Variants in MRTFB observed in about 807,000 individuals in gnomAD.
MRTFB encodes myocardin related transcription factor B.
Under a neutral mutation model 104.2 loss-of-function variants are expected in MRTFB, and 29 were observed. The ratio of observed to expected loss-of-function variants is 0.28; its 90% CI spans 0.21 to 0.38. The LOEUF is 0.38. MRTFB is among the 10% of genes least tolerant of loss of function. MRTFB has a pLI of 1.00. For missense variants in MRTFB, 1,270 were observed against 1,341.6 expected, an observed-to-expected ratio of 0.95 and a Z score of 0.83; for synonymous variants, 535 against 519.5, an observed-to-expected ratio of 1.03 and a Z score of -0.41.
intron 2 of MRTFB, among the ~76,000 whole-genome samples, chr16:14,098,458 G>A (rs1019068445): frequency 2.0e-5 from 3 of 152,008 alleles, no homozygotes; most frequent in African/African-American, 7.2e-5. Context: ...TGTATACTCT[G>A]GATATAGATT....
chr16:14,031,492 A>G, the MRTFB span, among the ~76,000 whole-genome samples: 1 of 152,218 alleles, frequency 6.6e-6, no homozygotes, highest in Non-Finnish European at 1.5e-5. Context: ...AAAAATAACT[A>G]GCACATCAGA....
chr16:14,185,724 T>G (rs1351495295), intron 3 of MRTFB, among the ~76,000 whole-genome samples: 1 of 151,920 alleles, frequency 6.6e-6, no homozygotes, highest in African/African-American at 2.4e-5. Flanking sequence ...GTATTCACAG[T>G]CTACTGCTCT....
intron 9 of MRTFB, among the ~76,000 whole-genome samples, chr16:14,235,779 G>C (rs1381221957): frequency 6.6e-6 from 1 of 152,166 alleles, no homozygotes; most frequent in Non-Finnish European, 1.5e-5. Flanking sequence ...CCTGACAGTG[G>C]CTGGGACAAT....
At chr16:14,103,622 T>C (rs976813376) in intron 2 of MRTFB, among the ~76,000 whole-genome samples, 16 of 152,302 alleles carry the variant, frequency 1.1e-4, no homozygotes, top group African/African-American at 3.9e-4. Context: ...TACTACACAC[T>C]GCAGTTATAC....
the MRTFB span, among the ~76,000 whole-genome samples, chr16:14,058,172 G>A: frequency 3.3e-5 from 5 of 152,162 alleles, no homozygotes; most frequent in Non-Finnish European, 7.4e-5. Context: ...TGCCAGGAGT[G>A]CAAAATCACC....
intron 2 of MRTFB, among the ~76,000 whole-genome samples, chr16:14,107,455 C>T (rs372298483): frequency 4.6e-5 from 7 of 152,092 alleles, no homozygotes; most frequent in South Asian, 2.1e-4. Context: ...CATTTTAGCA[C>T]GAAGGGGTTT....
chr16:14,167,347 T>C (rs995254762), intron 3 of MRTFB, among the ~76,000 whole-genome samples: 2 of 152,146 alleles, frequency 1.3e-5, no homozygotes, highest in African/African-American at 4.8e-5. Context: ...TTGCCTACTT[T>C]TTAATGTTTT....
At chr16:14,007,528 G>A in the MRTFB span, among the ~76,000 whole-genome samples, 1 of 152,144 alleles carries the variant, frequency 6.6e-6, no homozygotes, top group South Asian at 2.1e-4. Flanking sequence ...ATACGGCTAT[G>A]AACATTCATG....
the MRTFB span, among the ~76,000 whole-genome samples, chr16:14,011,420 A>G: frequency 6.6e-6 from 1 of 152,220 alleles, no homozygotes; most frequent in African/African-American, 2.4e-5. Flanking sequence ...CTCTGAGAAA[A>G]GAAGAGGGAT....
At chr16:14,050,802 G>A in the MRTFB span, among the ~76,000 whole-genome samples, 1 of 152,056 alleles carries the variant, frequency 6.6e-6, no homozygotes, top group Admixed American at 6.6e-5. Context: ...GGTGCAGAAT[G>A]GGGGCGGGTC....
intron 3 of MRTFB, among the ~76,000 whole-genome samples, chr16:14,178,295 T>C (rs1274476833): frequency 6.6e-6 from 1 of 152,164 alleles, no homozygotes; most frequent in African/African-American, 2.4e-5. Flanking sequence ...CCCAAGTTAC[T>C]TGCTGAGAAA....
At chr16:14,039,133 T>C in the MRTFB span, among the ~76,000 whole-genome samples, 2 of 152,020 alleles carry the variant, frequency 1.3e-5, no homozygotes, top group African/African-American at 4.8e-5. Context: ...TGGTCTCTTA[T>C]GAGATTGCAG....
chr16:14,246,975 G>A lies in MRTFB; in HGVS notation c.1715G>A (p.Arg572His), dbSNP rs570204987. ...GAACTGGATGCAGCCGAAAAGGATC[G>A]CAAGCTTCAGGAGAAAGAGAAGCAA... Reference protein sequence around the residue: ...NLELDAAEKDRKLQEKEKQIE... With the variant: ...NLELDAAEKDHKLQEKEKQIE... Residue 572 changes from arginine to histidine, a missense_variant, in exon 12 of 17, where the codon CGC (arginine) becomes CAC (histidine). By Grantham distance (29) the Arg-to-His change is conservative (BLOSUM62 0). Around this residue, in one of 3 missense-constraint regions of MRTFB, gnomAD observed 1,144 missense variants for 1,131.5 expected, o/e 1.01. Transcript: ENST00000571589. 16 of 1,614,046 alleles carry A rather than the reference G, an allele frequency of 9.9e-6. No individual in the cohort carries two copies. The highest frequency in any genetic ancestry group is 5.3e-5 in the African/African-American group (4 of 75,052).
At chr16:14,060,724 C>G in the MRTFB span, among the ~76,000 whole-genome samples, 4 of 152,002 alleles carry the variant, frequency 2.6e-5, no homozygotes, top group Non-Finnish European at 5.9e-5. Flanking sequence ...TTTCTCTTAT[C>G]CAGGTGGGGT....
intron 2 of MRTFB, among the ~76,000 whole-genome samples, chr16:14,130,837 A>G (rs900361513): frequency 6.6e-6 from 1 of 152,188 alleles, no homozygotes; most frequent in East Asian, 1.9e-4. Flanking sequence ...TTCACGGAAC[A>G]GCAGGAGAGG....
At chr16:14,004,284 G>A in the MRTFB span, among the ~76,000 whole-genome samples, 10 of 152,214 alleles carry the variant, frequency 6.6e-5, no homozygotes, top group African/African-American at 9.6e-5. Context: ...CGCCCATCCT[G>A]TTCCATGATG....
chr16:14,142,320 C>T (rs993811846), intron 3 of MRTFB: 10 of 148,852 alleles, frequency 6.7e-5, no homozygotes, highest in African/African-American at 2.3e-4. Context: ...GATCTCAGCT[C>T]ACTGCAGGCT....
chr16:14,244,397 C>T (rs1051010510), intron 10 of MRTFB, among the ~76,000 whole-genome samples: 3 of 152,108 alleles, frequency 2.0e-5, no homozygotes, highest in Non-Finnish European at 2.9e-5. Flanking sequence ...TGTTAGATGT[C>T]TTATCTAGGA....
intron 3 of MRTFB, chr16:14,200,660 C>A (rs1419181648): frequency 1.9e-6 from 3 of 1,558,300 alleles, no homozygotes; most frequent in Non-Finnish European, 1.8e-6. Flanking sequence ...TGGAAAGAGC[C>A]ACTGGGTGTT....
Sources: gnomAD v4.1 joint callset for allele counts (sites outside exome capture counted in the v4.1 genomes callset) on GRCh38, gnomAD v4.1.1 for gene constraint, gnomAD v4.1.1 regional missense constraint, MANE v1.5 for transcripts, NCBI Gene and HGNC (gene_info 2026-07-23, HGNC 2026-07-21) for gene names.